Variants in GAK observed in about 807,000 individuals in gnomAD.
GAK encodes the protein cyclin-G-associated kinase.
GAK carries 79 observed loss-of-function variants against 143.9 expected under a neutral mutation model. The ratio of observed to expected loss-of-function variants is 0.55; its 90% confidence interval spans 0.46 to 0.66. The LOEUF (loss-of-function observed/expected upper bound fraction) is 0.66, where lower values mean the gene tolerates loss of function less well. Among genes scored for constraint, GAK ranks in the 30% least tolerant of loss-of-function variants. The pLI is 0.00. For missense variants in GAK, 1,693 were observed against 1,779.7 expected (o/e 0.95, Z 0.88); for synonymous variants, 881 against 765.5 (o/e 1.15, Z -2.49).
At chr4:901,719 C>T (rs925160588) in intron 5 of GAK, among the ~76,000 whole-genome samples, 1 of 152,240 alleles carries the variant, frequency 6.6e-6, no homozygotes, top group Non-Finnish European at 1.5e-5. Flanking sequence ...CGCCACGGGG[C>T]TGGGGCCTCA....
chr4:882,639 T>C (rs1379334181), intron 14 of GAK, 58 bp downstream of exon 14: 8 of 1,590,570 alleles, frequency 5.0e-6, no homozygotes, highest in Middle Eastern at 3.4e-4. Context: ...TGTTGAACTA[T>C]GCATGAAATA....
chr4:887,557 C>T (rs1345305062), intron 11 of GAK: 1 of 150,516 alleles, frequency 6.6e-6, no homozygotes, highest in Non-Finnish European at 1.5e-5. Context: ...GCAGCTCACG[C>T]ACACTCACAG....
rs570425711 is a variant in GAK, at chr4:859,544, G to C, written c.3283+62C>G. Reference sequence around the variant, plus strand: ...ACTTTGGGCAGCTCAGAGTCAGATAGACGAGAATAAACCTCCTACAAGGAA... The same window carrying C: ...ACTTTGGGCAGCTCAGAGTCAGATACACGAGAATAAACCTCCTACAAGGAA... On this transcript the variant is annotated intron_variant, in intron 24 of 27. Transcript: ENST00000314167. 7 of 1,590,046 alleles carry C rather than the reference G, an allele frequency of 4.4e-6. No homozygotes were observed. In the Admixed American group the frequency reaches 5.0e-5, roughly 11 times the overall value.
At chr4:849,833 G>GGGCCCCCCCCCCCCCC in intron 27 of GAK, 59 bp from the exon 28 acceptor site, 5 of 1,190,150 alleles carry the variant, frequency 4.2e-6, no homozygotes, top group Non-Finnish European at 5.8e-6. Context: ...GGCGGGGCAG[G>GGGCCCCCCCCCCCCCC]ACCCCCCCCC....
intron 15 of GAK, 150 bp downstream of exon 15, chr4:881,757 G>C: frequency 1.0e-6 from 1 of 987,166 alleles, no homozygotes; most frequent in Non-Finnish European, 1.4e-6. Context: ...TAAGCCCAGG[G>C]CTCAGCCATG....
intron 12 of GAK, 145 bp downstream of exon 12, chr4:883,892 C>T (rs1411386697): frequency 2.6e-6 from 2 of 765,150 alleles, no homozygotes; most frequent in African/African-American, 3.5e-5. Flanking sequence ...GCCTGCCTGC[C>T]AAGGGGCCCC....
chr4:896,948 C>G (rs746647353), intron 6 of GAK, among the ~76,000 whole-genome samples: 2 of 152,244 alleles, frequency 1.3e-5, no homozygotes, highest in Non-Finnish European at 2.9e-5. Flanking sequence ...CCCCAGGGTA[C>G]GTGAGGGTAT....
At chr4:906,059 A>G (rs923601016) in intron 4 of GAK, among the ~76,000 whole-genome samples, 3 of 151,486 alleles carry the variant, frequency 2.0e-5, no homozygotes, top group Non-Finnish European at 4.4e-5. Flanking sequence ...TAACGTGAGA[A>G]CCACATCGGC....
chr4:854,850 CCTGA>C (rs1164346412), intron 24 of GAK, among the ~76,000 whole-genome samples: 3 of 152,158 alleles, frequency 2.0e-5, no homozygotes, highest in African/African-American at 7.2e-5. Flanking sequence ...TCAAGACCAT[CCTGA>C]CTAACACGGT....
chr4:876,255 G>A (rs77918304), intron 18 of GAK, among the ~76,000 whole-genome samples: 6,387 of 152,198 alleles, frequency 0.042, 154 homozygotes, highest in East Asian at 0.092. Flanking sequence ...AGATGCAGCC[G>A]CCACCCGCTC....
intron 5 of GAK, among the ~76,000 whole-genome samples, chr4:900,337 C>T (rs984057881): frequency 7.2e-5 from 11 of 152,258 alleles, no homozygotes; most frequent in South Asian, 2.1e-4. Context: ...CAGACTCCCA[C>T]GGCGGAGGCC....
intron 1 of GAK, among the ~76,000 whole-genome samples, chr4:929,595 T>C (rs754870604): frequency 6.6e-6 from 1 of 151,926 alleles, no homozygotes; most frequent in Non-Finnish European, 1.5e-5. Context: ...AGCACATGCC[T>C]GTAAGCCCAG....
At chr4:863,035 T>C (rs561413878) in intron 23 of GAK, among the ~76,000 whole-genome samples, 1 of 152,382 alleles carries the variant, frequency 6.6e-6, no homozygotes, top group Admixed American at 6.5e-5. Context: ...TAAAGTTCAC[T>C]GACAACCTTC....
intron 1 of GAK, among the ~76,000 whole-genome samples, chr4:914,370 C>CATA (rs1560428536): frequency 8.5e-6 from 1 of 117,478 alleles, no homozygotes; most frequent in Non-Finnish European, 1.8e-5. Context: ...TGCACGGCCC[C>CATA]CACACACACA....
intron 1 of GAK, among the ~76,000 whole-genome samples, chr4:922,953 G>A (rs987938790): frequency 6.6e-6 from 1 of 152,210 alleles, no homozygotes; most frequent in African/African-American, 2.4e-5. Flanking sequence ...TCACGCAGAG[G>A]AGTCTCACCA....
Position 867,148 on chromosome 4 carries a change from G to T in GAK, c.2680C>A (p.Pro894Thr). 1 of 1,595,582 alleles carries T rather than the reference G, an allele frequency of 6.3e-7. No individual in the cohort carries two copies. Among genetic ancestry groups the T allele is most frequent in the South Asian group, 1.1e-5 (1 of 89,268 alleles). ...TTGCAGGCCTGCGGGGGTACAGCTG[G>T]CCCTGCGCCCACCTCGGAGTGCAGG... is the stretch of plus-strand genomic sequence containing the variant. ...LGLHSEVGAG[P>T]AVPPQACKAP... Residue 894 changes from proline (P) to threonine (T), a missense_variant, in exon 21 of 28, where the codon CCA becomes ACA. Physicochemically the swap from Pro to Thr is conservative, Grantham distance 38. Coordinates refer to ENST00000314167, the MANE Select transcript of GAK (RefSeq NM_005255.4).
chr4:874,135 G>C (rs1458062985), intron 18 of GAK, among the ~76,000 whole-genome samples: 1 of 151,606 alleles, frequency 6.6e-6, no homozygotes, highest in African/African-American at 2.4e-5. Flanking sequence ...GTGTGTGTGT[G>C]CGCGCTGGTG....
chr4:889,450 A>G (rs1577184041), intron 10 of GAK, among the ~76,000 whole-genome samples: 2 of 152,038 alleles, frequency 1.3e-5, no homozygotes, highest in South Asian at 4.2e-4. Flanking sequence ...GGTGTTAAAA[A>G]AAAAACACCT....
At chr4:866,849 G>T in intron 21 of GAK, 107 bp downstream of exon 21, 1 of 879,706 alleles carries the variant, frequency 1.1e-6, no homozygotes, top group Non-Finnish European at 1.7e-6. Context: ...GGAAGGGCAC[G>T]TTCCCTTCCT....
Sources: gnomAD v4.1 joint callset for allele counts (sites outside exome capture counted in the v4.1 genomes callset) on GRCh38, gnomAD v4.1.1 for gene constraint, MANE v1.5 for transcripts, NCBI Gene and HGNC (gene_info 2026-07-23, HGNC 2026-07-21) for gene names.